The following FSTL1 variants were observed in gnomAD, a reference collection of about 807,000 sequenced individuals.
FSTL1 encodes the protein follistatin-related protein 1.
Under a neutral mutation model 45.9 loss-of-function variants are expected in FSTL1, and 24 were observed. That is an observed-to-expected ratio of 0.52 (90% CI 0.38 to 0.74). The LOEUF (loss-of-function observed/expected upper bound fraction) is 0.74. Among genes scored for constraint, FSTL1 ranks in the 30% least tolerant of loss-of-function variants. The pLI is 0.00. For missense variants in FSTL1, 340 were observed against 381.8 expected (o/e 0.89, Z 0.91); for synonymous variants, 120 against 137.6 (o/e 0.87, Z 0.89).
chr3:120,450,374 T>C (rs1937858112), intron 2 of FSTL1, among the ~76,000 whole-genome samples: 1 of 152,176 alleles, frequency 6.6e-6, no homozygotes, highest in African/African-American at 2.4e-5. Flanking sequence ...AGGCGCCTTT[T>C]TGAACTCGCT....
chr3:120,427,372 A>G (rs1937400457), intron 2 of FSTL1, among the ~76,000 whole-genome samples: 1 of 152,126 alleles, frequency 6.6e-6, no homozygotes, highest in South Asian at 2.1e-4. Context: ...CTCCTAGAGG[A>G]CAAAGATTCT....
intron 2 of FSTL1, among the ~76,000 whole-genome samples, chr3:120,416,343 A>G (rs753474566): frequency 1.3e-5 from 2 of 152,212 alleles, no homozygotes; most frequent in Non-Finnish European, 2.9e-5. Flanking sequence ...TTATGCCAAC[A>G]CTACGCTGAG....
chr3:120,413,422 T>G (rs1937110818), intron 3 of FSTL1, among the ~76,000 whole-genome samples: 1 of 152,126 alleles, frequency 6.6e-6, no homozygotes, highest in South Asian at 2.1e-4. Context: ...TTGTACAATT[T>G]TTAGGATCAG....
chr3:120,403,117 C>A, intron 8 of FSTL1, 125 bp downstream of exon 8: 2 of 723,332 alleles, frequency 2.8e-6, no homozygotes, highest in Non-Finnish European at 2.5e-6. Flanking sequence ...GGCTGGGGCC[C>A]AGTTTAGAAT....
chr3:120,399,946 CT>C lies in FSTL1; in HGVS notation c.818del (p.Lys273ArgfsTer11), dbSNP rs1363888299. The C allele has an allele frequency of 3.1e-6, 5 of 1,606,868 alleles. No homozygotes were observed. Among genetic ancestry groups the C allele is most frequent in the Non-Finnish European group, 4.3e-6 (5 of 1,176,182 alleles). On this transcript the variant is annotated frameshift_variant, in exon 10 of 11. Coordinates refer to ENST00000295633, the MANE Select transcript of FSTL1 (RefSeq NM_007085.5). LOFTEE classifies it high-confidence loss of function. Reference sequence around the variant, plus strand: ...CCTCCTCTGTCTGGGTCTGGGCCCCCTTCTGATTCTTTCCTGCAAGAAGAAC... The same window carrying C: ...CCTCCTCTGTCTGGGTCTGGGCCCCCTCTGATTCTTTCCTGCAAGAAGAAC... ...TAMTCDGKNQ[K>X]GAQTQTEEEM...
At chr3:120,438,183 A>C (rs1937590776) in intron 2 of FSTL1, 1 of 152,242 alleles carries the variant, frequency 6.6e-6, no homozygotes. Flanking sequence ...TACAGAAGCG[A>C]GAAAAAGTTT....
chr3:120,409,642 G>A lies in FSTL1; in HGVS notation c.352C>T (p.Arg118Cys), dbSNP rs145669977. Reference sequence around the variant, plus strand: ...ATGATGCGACGTCGGAGCTCATCACGGTTGGACTGATAGCAAACAACTGCA... The same window carrying A: ...ATGATGCGACGTCGGAGCTCATCACAGTTGGACTGATAGCAAACAACTGCA... ...ASPVVCYQSN[R>C]DELRRRIIQW... The change falls in exon 6 of 11, where the codon CGT becomes TGT. Residue 118 changes from arginine (R) to cysteine (C), a missense_variant. By Grantham distance (180) the Arg-to-Cys change is radical (BLOSUM62 -3). Coordinates refer to ENST00000295633, the MANE Select transcript of FSTL1 (RefSeq NM_007085.5). The A allele has an allele frequency of 1.2e-5, 20 of 1,613,958 alleles. No individual in the cohort carries two copies. The highest frequency in any genetic ancestry group is 1.1e-4 in the East Asian group (5 of 44,892).
chr3:120,410,095 C>T (rs1937022192), intron 5 of FSTL1: 1 of 160,388 alleles, frequency 6.2e-6, no homozygotes, highest in African/African-American at 2.4e-5. Flanking sequence ...CCTTTCTCAC[C>T]AACTAGGTCC....
At chr3:120,422,934 A>G (rs1316009141) in intron 2 of FSTL1, among the ~76,000 whole-genome samples, 1 of 152,218 alleles carries the variant, frequency 6.6e-6, no homozygotes, top group Non-Finnish European at 1.5e-5. Flanking sequence ...ATTGCAAGTG[A>G]TCCACCTGCC....
chr3:120,443,445 T>C (rs1937668474), intron 2 of FSTL1, among the ~76,000 whole-genome samples: 1 of 149,918 alleles, frequency 6.7e-6, no homozygotes, highest in Non-Finnish European at 1.5e-5. Flanking sequence ...GACACTTCTG[T>C]AGATCCATAA....
intron 2 of FSTL1, among the ~76,000 whole-genome samples, chr3:120,436,745 G>A (rs77278922): frequency 0.07 from 10,724 of 152,232 alleles, 412 homozygotes; most frequent in South Asian, 0.099. Flanking sequence ...GAAGCCAGGT[G>A]AATTTCCTGC....
intron 2 of FSTL1, among the ~76,000 whole-genome samples, chr3:120,437,501 TCTCA>T (rs1459991387): frequency 6.6e-6 from 1 of 152,284 alleles, no homozygotes; most frequent in Non-Finnish European, 1.5e-5. Flanking sequence ...GTGAGAAAAG[TCTCA>T]CTATTAGAGC....
chr3:120,423,565 CTG>C (rs1937320394), intron 2 of FSTL1: 1 of 152,104 alleles, frequency 6.6e-6, no homozygotes, highest in Non-Finnish European at 1.5e-5. Flanking sequence ...TGGGCCATGA[CTG>C]AGGTAAGAGT....
At chr3:120,438,125 G>C (rs541928716) in intron 2 of FSTL1, 1 of 152,316 alleles carries the variant, frequency 6.6e-6, no homozygotes, top group African/African-American at 2.4e-5. Flanking sequence ...ATTTCTGTAA[G>C]CCATTTGCAA....
chr3:120,423,719 G>C (rs906447598), intron 2 of FSTL1: 3 of 152,180 alleles, frequency 2.0e-5, no homozygotes, highest in Non-Finnish European at 4.4e-5. Context: ...CACTGCTACT[G>C]ACAGGGTCTT....
chr3:120,450,694 A>G lies in FSTL1; in HGVS notation c.53T>C (p.Val18Ala), dbSNP rs777005545. 7.7e-6 allele frequency: 10 copies of G among 1,293,656 alleles called. No individual in the cohort carries two copies. The African/African-American group carries it at 1.3e-4, about 17-fold the overall frequency. 80.1% of individuals were successfully genotyped at this position (1,293,656 alleles called of 1,614,324 possible). Residue 18 changes from valine (V) to alanine (A), a missense_variant, in exon 2 of 11, where the codon GTC (valine) becomes GCC (alanine). Transcript: ENST00000295633. ...LALALVAVAW[V>A]RAEEELRSKS... The stretch of plus-strand genomic sequence containing the variant: ...CGGCCCCTCGCCTACCTCGGCGCGG[A>G]CCCAGGCGACCGCCACCAGCGCGAG...
rs1217500612 is a variant in FSTL1, at chr3:120,392,938, A to T, written c.*4014T>A. On this transcript the variant is annotated 3_prime_UTR_variant, in exon 11 of 11. Transcript: ENST00000295633. Reference sequence around the variant, plus strand: ...CTTCTTTGCACAATTCGTAATATTAAATTTTGATGAAAGGAAACTTAGCTT... The same window carrying T: ...CTTCTTTGCACAATTCGTAATATTATATTTTGATGAAAGGAAACTTAGCTT... 1 of 152,234 alleles carries T rather than the reference A, an allele frequency of 6.6e-6. No individual in the cohort carries two copies. The highest frequency in any genetic ancestry group is 1.5e-5 in the Non-Finnish European group (1 of 68,042). The allele number at this position is 152,234 out of a possible 1,614,324, so 9.4% of individuals were successfully genotyped here. A position where few individuals can be genotyped will look rare whatever the true frequency, so the allele number is the denominator to read the frequency against.
At chr3:120,428,071 G>A (rs1937414389) in intron 2 of FSTL1, among the ~76,000 whole-genome samples, 1 of 152,168 alleles carries the variant, frequency 6.6e-6, no homozygotes. Flanking sequence ...TGAGGTAGAG[G>A]GAGACAGGCT....
At chr3:120,430,556 C>T (rs548400410) in intron 2 of FSTL1, among the ~76,000 whole-genome samples, 3 of 152,312 alleles carry the variant, frequency 2.0e-5, no homozygotes, top group South Asian at 4.1e-4. Flanking sequence ...TTTAATAGTC[C>T]AGTTTAGAGG....
Sources: allele counts gnomAD v4.1 joint callset (sites outside exome capture counted in the v4.1 genomes callset), GRCh38; gene constraint gnomAD v4.1.1; transcripts MANE v1.5; gene names NCBI Gene and HGNC (gene_info 2026-07-23, HGNC 2026-07-21).